The following GRIA1 variants were observed in gnomAD, a reference collection of about 807,000 sequenced individuals.
The protein encoded by GRIA1 is glutamate ionotropic receptor AMPA type subunit 1.
A neutral mutation model predicts 99.2 loss-of-function variants in GRIA1; 31 were observed. The ratio of observed to expected loss-of-function variants is 0.31; its 90% CI spans 0.23 to 0.42. The LOEUF is 0.42. Among genes scored for constraint, GRIA1 ranks in the 10% least tolerant of loss-of-function variants. The pLI is 1.00. For missense variants in GRIA1, 782 were observed against 1,157.5 expected, an observed-to-expected ratio of 0.68 and a Z score of 4.71; for synonymous variants, 438 against 432.4, an observed-to-expected ratio of 1.01 and a Z score of -0.16.
At chr5:153,504,347 CAT>C (rs35701544) in intron 2 of GRIA1, among the ~76,000 whole-genome samples, 14 of 149,404 alleles carry the variant, frequency 9.4e-5, no homozygotes, top group Admixed American at 1.3e-4. Flanking sequence ...GTCTATTAAG[CAT>C]ATATATATAT....
chr5:153,672,946 T>C (rs866606742), intron 5 of GRIA1, among the ~76,000 whole-genome samples: 1 of 152,218 alleles, frequency 6.6e-6, no homozygotes, highest in Non-Finnish European at 1.5e-5. Flanking sequence ...ATGTGACTTC[T>C]GAAAAAAGTT....
intron 5 of GRIA1, among the ~76,000 whole-genome samples, chr5:153,665,448 G>C (rs537222402): frequency 1.4e-4 from 21 of 152,176 alleles, no homozygotes; most frequent in Non-Finnish European, 2.1e-4. Flanking sequence ...TGTTTAATTA[G>C]AGGGAACCAG....
intron 11 of GRIA1, among the ~76,000 whole-genome samples, chr5:153,708,331 G>A (rs1015076021): frequency 1.3e-5 from 2 of 152,068 alleles, no homozygotes; most frequent in South Asian, 4.2e-4. Context: ...GGCCCCAGAG[G>A]GTGTTTGAGT....
At chr5:153,763,193 T>C (rs1328449071) in intron 11 of GRIA1, among the ~76,000 whole-genome samples, 1 of 152,074 alleles carries the variant, frequency 6.6e-6, no homozygotes, top group African/African-American at 2.4e-5. Context: ...GAAATCAAGG[T>C]AAAGTGAAGT....
intron 2 of GRIA1, among the ~76,000 whole-genome samples, chr5:153,595,748 A>G (rs1478679789): frequency 6.8e-6 from 1 of 147,974 alleles, no homozygotes; most frequent in Non-Finnish European, 1.5e-5. Flanking sequence ...ATATAATATA[A>G]TATATATATA....
chr5:153,717,521 C>G (rs1315139766), intron 11 of GRIA1, among the ~76,000 whole-genome samples: 4 of 21,578 alleles, frequency 1.9e-4, no homozygotes, highest in Non-Finnish European at 3.3e-4. Flanking sequence ...AAGATCCTTC[C>G]TAGGTATTCA....
chr5:153,721,682 A>G (rs1760081086), intron 11 of GRIA1, among the ~76,000 whole-genome samples: 1 of 152,188 alleles, frequency 6.6e-6, no homozygotes, highest in South Asian at 2.1e-4. Flanking sequence ...TCCATGTATC[A>G]CATATAGTTG....
At chr5:153,766,831 CAA>C (rs1763549695) in intron 12 of GRIA1, among the ~76,000 whole-genome samples, 1 of 152,176 alleles carries the variant, frequency 6.6e-6, no homozygotes, top group Non-Finnish European at 1.5e-5. Flanking sequence ...TTTAAAATTT[CAA>C]AAGTCTTTGT....
At chr5:153,502,415 G>T (rs1755086163) in intron 2 of GRIA1, among the ~76,000 whole-genome samples, 1 of 152,222 alleles carries the variant, frequency 6.6e-6, no homozygotes, top group Non-Finnish European at 1.5e-5. Context: ...AGGCTGTGCT[G>T]TAAATACCTA....
intron 2 of GRIA1, among the ~76,000 whole-genome samples, chr5:153,583,150 T>C (rs114348040): frequency 0.1 from 15,134 of 151,828 alleles, 886 homozygotes; most frequent in South Asian, 0.25. Context: ...CCAGACTCAT[T>C]TTGAACTCCT....
chr5:153,563,597 C>T (rs1177126094), intron 2 of GRIA1, among the ~76,000 whole-genome samples: 2 of 152,184 alleles, frequency 1.3e-5, no homozygotes, highest in Non-Finnish European at 1.5e-5. Flanking sequence ...CTGCTTCCAC[C>T]TCCCACTGAC....
intron 2 of GRIA1, among the ~76,000 whole-genome samples, chr5:153,580,581 A>T (rs993346346): frequency 6.6e-6 from 1 of 152,206 alleles, no homozygotes; most frequent in Non-Finnish European, 1.5e-5. Context: ...CCCATCCAGT[A>T]CATGTCCTAA....
At chr5:153,794,013 T>C (rs931109530) in intron 13 of GRIA1, among the ~76,000 whole-genome samples, 1 of 152,244 alleles carries the variant, frequency 6.6e-6, no homozygotes, top group African/African-American at 2.4e-5. Flanking sequence ...CTGAAGTGTT[T>C]AATTACACCT....
chr5:153,777,802 C>T (rs2149631271), intron 13 of GRIA1, among the ~76,000 whole-genome samples: 1 of 152,248 alleles, frequency 6.6e-6, no homozygotes, highest in East Asian at 1.9e-4. Flanking sequence ...TTTCTCCCTC[C>T]CTCCCACTCT....
At chr5:153,641,924 G>A (rs1318119935) in intron 2 of GRIA1, among the ~76,000 whole-genome samples, 1 of 152,190 alleles carries the variant, frequency 6.6e-6, no homozygotes, top group Non-Finnish European at 1.5e-5. Context: ...TTGGGGATGG[G>A]CTGGTTTACC....
chr5:153,617,739 C>G (rs749280718), intron 2 of GRIA1, among the ~76,000 whole-genome samples: 1 of 152,168 alleles, frequency 6.6e-6, no homozygotes, highest in Non-Finnish European at 1.5e-5. Flanking sequence ...TTATGACCAA[C>G]TAAAAACTGC....
intron 2 of GRIA1, among the ~76,000 whole-genome samples, chr5:153,641,822 G>A (rs1561719117): frequency 6.6e-6 from 1 of 152,206 alleles, no homozygotes; most frequent in Non-Finnish European, 1.5e-5. Context: ...CCTGCCTGCT[G>A]AACTCATCCT....
intron 4 of GRIA1, among the ~76,000 whole-genome samples, chr5:153,650,921 A>AAAAAAAAAG (rs1754526984): frequency 6.8e-6 from 1 of 148,026 alleles, no homozygotes; most frequent in Non-Finnish European, 1.5e-5. Context: ...AAAAAAAAAA[A>AAAAAAAAAG]TTAGCTTGGT....
At chr5:153,787,529 C>CTTTTTTTGT (rs59003673) in intron 13 of GRIA1, among the ~76,000 whole-genome samples, 2 of 151,704 alleles carry the variant, frequency 1.3e-5, no homozygotes, top group South Asian at 4.2e-4. Context: ...ATGCCTGATT[C>CTTTTTTTGT]TTTTTTTGTT....
Sources: gnomAD v4.1 joint callset for allele counts (sites outside exome capture counted in the v4.1 genomes callset) on GRCh38, gnomAD v4.1.1 for gene constraint, MANE v1.5 for transcripts, NCBI Gene and HGNC (gene_info 2026-07-23, HGNC 2026-07-21) for gene names.